Variants in TMEM87B observed in about 807,000 individuals in gnomAD.
TMEM87B encodes the protein transmembrane protein 87B.
In TMEM87B, 83 loss-of-function variants were observed where a neutral mutation model predicts 80.3. That is an observed-to-expected ratio of 1.03 (90% CI 0.87 to 1.24). TMEM87B has a LOEUF of 1.24. Ranked by LOEUF, TMEM87B falls within the 50% of genes most tolerant of loss-of-function variation. The probability of loss-of-function intolerance (pLI) is 0.00; values close to 1 mark genes in which losing one functional copy is unlikely to be tolerated. For missense variants in TMEM87B, 625 were observed against 674.4 expected (o/e 0.93, Z 0.81); for synonymous variants, 219 against 230.5 (o/e 0.95, Z 0.45).
intron 17 of TMEM87B, among the ~76,000 whole-genome samples, chr2:112,109,263 G>GTA (rs899891199): frequency 6.6e-6 from 1 of 152,104 alleles, no homozygotes; most frequent in African/African-American, 2.4e-5. Flanking sequence ...AAATATGGGT[G>GTA]TATATATTCT....
rs755300036 is a variant in TMEM87B, at chr2:112,081,349, G to A, written c.669G>A (p.Met223Ile). 10 of 1,601,614 alleles carry A rather than the reference G, an allele frequency of 6.2e-6. No individual in the cohort carries two copies. Among genetic ancestry groups the A allele is most frequent in the South Asian group, 1.1e-5 (1 of 88,326 alleles). Residue 223 changes from methionine to isoleucine, a missense_variant, in exon 8 of 19, where the codon ATG becomes ATA. Physicochemically the swap from Met to Ile is conservative, Grantham distance 10. Coordinates refer to ENST00000283206, the MANE Select transcript of TMEM87B (RefSeq NM_032824.3). ...TCTTCCTACAGTTTTACATGGTGATGTGTATTGTTTATATATTATATGGCA... is the reference window on the plus strand; with the variant it reads ...TCTTCCTACAGTTTTACATGGTGATATGTATTGTTTATATATTATATGGCA... Reference protein sequence around the residue: ...DWPLMIFYMVMCIVYILYGIL... With the variant: ...DWPLMIFYMVICIVYILYGIL...
chr2:112,103,185 G>A (rs954507018), intron 15 of TMEM87B, among the ~76,000 whole-genome samples: 2 of 152,170 alleles, frequency 1.3e-5, no homozygotes, highest in Non-Finnish European at 2.9e-5. Flanking sequence ...TGAAGGTGAA[G>A]TTTAAAATGT....
chr2:112,100,287 G>A (rs964725368), intron 14 of TMEM87B, among the ~76,000 whole-genome samples: 1 of 152,028 alleles, frequency 6.6e-6, no homozygotes, highest in African/African-American at 2.4e-5. Context: ...CTTTTTTTAG[G>A]AAATAAACTG....
chr2:112,099,007 G>T (rs1007899194), intron 14 of TMEM87B, among the ~76,000 whole-genome samples: 2 of 151,434 alleles, frequency 1.3e-5, no homozygotes, highest in South Asian at 4.2e-4. Flanking sequence ...GGTGGGAAAG[G>T]CATGAGATAC....
chr2:112,066,849 T>A, intron 3 of TMEM87B, 87 bp from the exon 4 acceptor site: 1 of 1,194,772 alleles, frequency 8.4e-7, no homozygotes, highest in Non-Finnish European at 1.1e-6. Context: ...AATATACTTT[T>A]GGTATTATTT....
intron 16 of TMEM87B, among the ~76,000 whole-genome samples, chr2:112,106,701 T>C (rs549688491): frequency 6.6e-6 from 1 of 152,340 alleles, no homozygotes; most frequent in South Asian, 2.1e-4. Flanking sequence ...AATGGAAATG[T>C]CTATCATATA....
chr2:112,060,906 A>G (rs967937797), intron 2 of TMEM87B, among the ~76,000 whole-genome samples: 1 of 152,240 alleles, frequency 6.6e-6, no homozygotes, highest in Non-Finnish European at 1.5e-5. Flanking sequence ...AATTATAATT[A>G]AAGTCTAATA....
At chr2:112,101,683 A>G (rs1238026193) in intron 15 of TMEM87B, among the ~76,000 whole-genome samples, 1 of 152,176 alleles carries the variant, frequency 6.6e-6, no homozygotes, top group Non-Finnish European at 1.5e-5. Flanking sequence ...AGGCAGACAT[A>G]TGTGGTGTAA....
At chr2:112,083,459 A>G (rs1366390475) in intron 8 of TMEM87B, among the ~76,000 whole-genome samples, 2 of 152,268 alleles carry the variant, frequency 1.3e-5, no homozygotes, top group African/African-American at 4.8e-5. Context: ...CTCAGTAGCC[A>G]CAGGTGACCA....
At chr2:112,064,978 A>G (rs1192730383) in intron 3 of TMEM87B, among the ~76,000 whole-genome samples, 1 of 152,146 alleles carries the variant, frequency 6.6e-6, no homozygotes, top group Non-Finnish European at 1.5e-5. Flanking sequence ...ATGTAAATAC[A>G]TATGAGATCT....
At chr2:112,097,905 T>C (rs1312673840) in intron 13 of TMEM87B, among the ~76,000 whole-genome samples, 1 of 151,968 alleles carries the variant, frequency 6.6e-6, no homozygotes, top group Non-Finnish European at 1.5e-5. Flanking sequence ...GTGGTTTGTA[T>C]CTAGATGGAC....
intron 4 of TMEM87B, among the ~76,000 whole-genome samples, chr2:112,074,290 A>G (rs1266213255): frequency 6.6e-6 from 1 of 152,160 alleles, no homozygotes; most frequent in African/African-American, 2.4e-5. Flanking sequence ...TTGCTTGTCT[A>G]AAAAGGGTCT....
intron 1 of TMEM87B, among the ~76,000 whole-genome samples, chr2:112,058,579 G>A (rs1678153868): frequency 6.6e-6 from 1 of 152,174 alleles, no homozygotes; most frequent in Non-Finnish European, 1.5e-5. Context: ...TGTGGGCCCA[G>A]TATATCCCAT....
intron 13 of TMEM87B, among the ~76,000 whole-genome samples, chr2:112,097,501 C>T (rs534973863): frequency 7.2e-5 from 11 of 151,864 alleles, no homozygotes; most frequent in South Asian, 2.1e-4. Flanking sequence ...CCGAGGCAGG[C>T]GGATCACGAG....
Position 112,118,595 on chromosome 2 carries a change from G to A in TMEM87B, c.*2452G>A, listed in dbSNP as rs989243265. 1 of 152,052 alleles carries A rather than the reference G, an allele frequency of 6.6e-6. No homozygotes were observed. The highest frequency in any genetic ancestry group is 1.5e-5 in the Non-Finnish European group (1 of 67,998). The allele number at this position is 152,052 out of a possible 1,614,324, so 9.4% of individuals were successfully genotyped here. On this transcript the variant is annotated 3_prime_UTR_variant, in exon 19 of 19. Coordinates refer to ENST00000283206, the MANE Select transcript of TMEM87B (RefSeq NM_032824.3). The stretch of plus-strand genomic sequence containing the variant: ...GCTTTAGATAGCAATTAATTTTATT[G>A]TAAAAATAAGGAAAAATATGTGAAT...
In TMEM87B at chr2:112,118,110, C is replaced by G. The variant is rs544363346; in HGVS notation, c.*1967C>G. On this transcript the variant is annotated 3_prime_UTR_variant, in exon 19 of 19. Transcript: ENST00000283206. ...GAAAGCAGAATTCCCTCCTAGTAAC[C>G]TCATTACAAATACTGTTACTAGAAG... is the stretch of plus-strand genomic sequence containing the variant. 6.6e-6 allele frequency: 1 copy of G among 152,282 alleles called. No individual in the cohort carries two copies. Among genetic ancestry groups the G allele is most frequent in the African/African-American group, 2.4e-5 (1 of 41,566 alleles). 9.4% of individuals were successfully genotyped at this position (152,282 alleles called of 1,614,324 possible).
At chr2:112,105,585 T>C (rs2104503176) in intron 15 of TMEM87B, among the ~76,000 whole-genome samples, 1 of 152,360 alleles carries the variant, frequency 6.6e-6, no homozygotes, top group Admixed American at 6.5e-5. Context: ...TCCTATCTTC[T>C]TTATGCCATA....
intron 4 of TMEM87B, among the ~76,000 whole-genome samples, chr2:112,072,548 T>C (rs1312845771): frequency 6.6e-6 from 1 of 152,238 alleles, no homozygotes. Flanking sequence ...TTTTCTAGTT[T>C]GTGTGCATAG....
At position 112,098,650 on chromosome 2, in the gene TMEM87B, T is replaced by C. The variant is rs1679541750; in HGVS notation, c.1328T>C (p.Ile443Thr). 6.2e-7 allele frequency: 1 copy of C among 1,614,058 alleles called. No homozygotes were observed. Among genetic ancestry groups the C allele is most frequent in the Non-Finnish European group, 8.5e-7 (1 of 1,180,034 alleles). ...TTTTGGAGCTTCCTTTTTTCGCTTA[T>C]CCTTATTGTAATCATGTTTTTGTGG... ...DAFWSFLFSL[I>T]LIVIMFLWRP... Residue 443 changes from isoleucine to threonine, a missense_variant, in exon 14 of 19, where the codon ATC (isoleucine) becomes ACC (threonine). Ile to Thr is a moderately conservative substitution (Grantham distance 89). Transcript: ENST00000283206.
Sources: gnomAD v4.1 joint callset for allele counts (sites outside exome capture counted in the v4.1 genomes callset) on GRCh38, gnomAD v4.1.1 for gene constraint, MANE v1.5 for transcripts, NCBI Gene and HGNC (gene_info 2026-07-23, HGNC 2026-07-21) for gene names.